BRCA1: variants seen among roughly 807,000 people sequenced by gnomAD.
The protein encoded by BRCA1 is BRCA1 DNA repair associated.
BRCA1 carries 140 observed loss-of-function variants against 173.7 expected under a neutral mutation model. That is an observed-to-expected ratio of 0.81 (90% CI 0.70 to 0.93). The LOEUF is 0.93. Ranked by LOEUF, BRCA1 falls within the 40% of genes least tolerant of loss-of-function variation. The probability of loss-of-function intolerance (pLI) is 0.00; values close to 1 mark genes in which losing one functional copy is unlikely to be tolerated. For missense variants in BRCA1, 1,983 were observed against 2,172.5 expected (o/e 0.91, Z 1.73); for synonymous variants, 662 against 756.0 (o/e 0.88, Z 2.04).
chr17:43,110,587 CAAAA>C (rs201518255), intron 3 of BRCA1: 1,817 of 267,996 alleles, frequency 6.8e-3, no homozygotes, highest in South Asian at 9.2e-3. Flanking sequence ...GACCCTGTCT[CAAAA>C]AAAAAAAAAA....
chr17:43,097,233 CTT>C lies in BRCA1; in HGVS notation c.593+9_593+10del, dbSNP rs1555594025. 1 of 1,612,996 alleles carries C rather than the reference CTT, an allele frequency of 6.2e-7. No homozygotes were observed. The highest frequency in any genetic ancestry group is 2.2e-5 in the East Asian group (1 of 44,838). Reference sequence around the variant, plus strand: ...TACCAGCTTCATAGACAAAGGTTCTCTTTGACTCACCTGCAATAAGTTGCCTT... The same window carrying C: ...TACCAGCTTCATAGACAAAGGTTCTCTGACTCACCTGCAATAAGTTGCCTT... On this transcript the variant is annotated intron_variant, in intron 8 of 22. Coordinates refer to ENST00000357654, the MANE Select transcript of BRCA1 (RefSeq NM_007294.4).
chr17:43,116,482 C>T (rs564566924), intron 2 of BRCA1, among the ~76,000 whole-genome samples: 83 of 152,300 alleles, frequency 5.4e-4, no homozygotes, highest in African/African-American at 1.9e-3. Flanking sequence ...CCTCCCAGCA[C>T]GGGGTTTACA....
At chr17:43,157,950 G>A (rs1477304459) in intron 1 of BRCA1, among the ~76,000 whole-genome samples, 1 of 149,748 alleles carries the variant, frequency 6.7e-6, no homozygotes, top group Non-Finnish European at 1.5e-5. Context: ...GAGCCGAGAT[G>A]TGCCATTGCA....
intron 9 of BRCA1, among the ~76,000 whole-genome samples, chr17:43,095,535 T>C (rs1037890177): frequency 6.6e-5 from 10 of 151,728 alleles, no homozygotes; most frequent in African/African-American, 1.9e-4. Context: ...TGAGCCAAGA[T>C]TGCATCACTG....
rs758329415 is a variant in BRCA1 at position 43,091,886 on chromosome 17, G to C, written c.3645C>G (p.Asn1215Lys). Reference protein sequence around the residue: ...GAKKLESSEENLSSEDEELPC... With the variant: ...GAKKLESSEEKLSSEDEELPC... Reference sequence around the variant, plus strand: ...GAAGCTCTTCATCCTCACTAGATAAGTTCTCTTCTGAGGACTCTAATTTCT... The same window carrying C: ...GAAGCTCTTCATCCTCACTAGATAACTTCTCTTCTGAGGACTCTAATTTCT... The change falls in exon 10 of 23, where the codon AAC becomes AAG. Residue 1215 changes from asparagine (N) to lysine (K), a missense_variant. Coordinates refer to ENST00000357654, the MANE Select transcript of BRCA1 (RefSeq NM_007294.4). The C allele has an allele frequency of 6.2e-7, 1 of 1,614,094 alleles. No homozygotes were observed. The highest frequency in any genetic ancestry group is 1.7e-5 in the Admixed American group (1 of 60,008).
At chr17:43,138,589 C>A (rs1301210891) in intron 1 of BRCA1, 1 of 728,502 alleles carries the variant, frequency 1.4e-6, no homozygotes, top group Non-Finnish European at 2.6e-6. Flanking sequence ...CCCCACCATG[C>A]CTGGATGTGG....
chr17:43,082,140 T>C (rs1030187500), intron 12 of BRCA1, among the ~76,000 whole-genome samples: 3 of 152,380 alleles, frequency 2.0e-5, no homozygotes, highest in Admixed American at 2.0e-4. Flanking sequence ...GAGCAAGAGC[T>C]ATGTTGTATA....
intron 1 of BRCA1, among the ~76,000 whole-genome samples, chr17:43,132,186 C>T (rs2055972736): frequency 6.6e-6 from 1 of 152,190 alleles, no homozygotes; most frequent in Non-Finnish European, 1.5e-5. Context: ...TGAGGTCACA[C>T]ACTCTGGGCT....
rs80357572 is a variant in BRCA1 at position 43,090,962 on chromosome 17, ACT to A, written c.4165_4166del (p.Ser1389Ter). 4.3e-6 allele frequency: 7 copies of A among 1,611,576 alleles called. No individual in the cohort carries two copies. The highest frequency in any genetic ancestry group is 3.3e-5 in the South Asian group (3 of 90,510). On this transcript the variant is annotated frameshift_variant, in exon 11 of 23. Transcript: ENST00000357654. LOFTEE classifies it high-confidence loss of function. ...SEDCSGLSSQ[S>X]DILTTQQRDT... Reference sequence around the variant, plus strand: ...TTTTTACCTGAGTGGTTAAAATGTCACTCTGAGAGGATAGCCCTGAGCAGTCT... The same window carrying A: ...TTTTTACCTGAGTGGTTAAAATGTCACTGAGAGGATAGCCCTGAGCAGTCT...
intron 2 of BRCA1, among the ~76,000 whole-genome samples, chr17:43,118,490 C>T (rs996277363): frequency 6.6e-6 from 1 of 151,982 alleles, no homozygotes; most frequent in Admixed American, 6.6e-5. Flanking sequence ...GATTCTCCTG[C>T]CTCAGCCTCC....
Position 43,049,477 on chromosome 17 carries a change from G to C in BRCA1, c.5333-283C>G, listed in dbSNP as rs1555575333. On this transcript the variant is annotated intron_variant, in intron 20 of 22. Transcript: ENST00000357654. ...ATGCTTGAAAGAAAAAAAAATCAAA[G>C]ATCTAATTTCCATTAATTTGCTAAA... Among the ~76,000 whole-genome samples the C allele has an allele frequency of 4.6e-5, 7 of 152,090 alleles. No individual in the cohort carries two copies. In the South Asian group the frequency reaches 1.5e-3, roughly 32 times the overall value.
intron 2 of BRCA1, among the ~76,000 whole-genome samples, chr17:43,122,962 C>T (rs1201165991): frequency 3.3e-5 from 5 of 151,254 alleles, no homozygotes; most frequent in African/African-American, 1.2e-4. Flanking sequence ...GAGGCTCAGG[C>T]AGAAGAATGG....
rs533819030 is a variant in BRCA1, at chr17:43,072,875, G to GT, written c.4675+1455dup. On this transcript the variant is annotated intron_variant, in intron 14 of 22. Coordinates refer to ENST00000357654, the MANE Select transcript of BRCA1 (RefSeq NM_007294.4). ...CACCCACCACGCCTGGCCCCAGCTAGTTTTTTTTTTTTTTTACTTTTTATA... is the reference window on the plus strand; with the variant it reads ...CACCCACCACGCCTGGCCCCAGCTAGTTTTTTTTTTTTTTTTACTTTTTATA... Among the ~76,000 whole-genome samples, 32,708 of 142,726 alleles carry GT rather than the reference G, an allele frequency of 0.23. 4,643 individuals are homozygous for GT. Among genetic ancestry groups the GT allele is most frequent in the Non-Finnish European group, 0.33 (21,361 of 65,306 alleles). The allele number at this position is 142,726 out of a possible 152,430, so 93.6% of individuals were successfully genotyped here.
At chr17:43,121,730 CAG>C (rs2055588561) in intron 2 of BRCA1, among the ~76,000 whole-genome samples, 2 of 101,614 alleles carry the variant, frequency 2.0e-5, no homozygotes, top group Non-Finnish European at 4.4e-5. Context: ...TAACAGGAAA[CAG>C]AAAAAAGCAA....
At chr17:43,073,675 T>A (rs535687779) in intron 14 of BRCA1, among the ~76,000 whole-genome samples, 2 of 152,248 alleles carry the variant, frequency 1.3e-5, no homozygotes, top group South Asian at 4.1e-4. Flanking sequence ...CATTTTCTAA[T>A]AAAGGACTGG....
At chr17:43,149,076 C>T (rs2056142535) in intron 1 of BRCA1, among the ~76,000 whole-genome samples, 1 of 151,992 alleles carries the variant, frequency 6.6e-6, no homozygotes, top group Admixed American at 6.6e-5. Flanking sequence ...ACACATCCCC[C>T]CGCCACCACC....
At chr17:43,059,426 G>A (rs758295315) in intron 18 of BRCA1, among the ~76,000 whole-genome samples, 3 of 151,962 alleles carry the variant, frequency 2.0e-5, no homozygotes, top group African/African-American at 2.4e-5. Context: ...TCGTGCTACC[G>A]CACTCCATGC....
intron 3 of BRCA1, among the ~76,000 whole-genome samples, chr17:43,108,706 C>CAAAA (rs35561635): frequency 1.9e-4 from 3 of 16,082 alleles, no homozygotes; most frequent in East Asian, 2.4e-3. Context: ...GACTCTGTCT[C>CAAAA]AAAAAAAAAA....
At chr17:43,150,734 A>C (rs1003089630) in intron 1 of BRCA1, among the ~76,000 whole-genome samples, 12 of 151,430 alleles carry the variant, frequency 7.9e-5, no homozygotes, top group Non-Finnish European at 1.3e-4. Context: ...AGCTCTAGCT[A>C]AAAAAAAACA....
Sources: gnomAD v4.1 joint callset for allele counts (sites outside exome capture counted in the v4.1 genomes callset) on GRCh38, gnomAD v4.1.1 for gene constraint, MANE v1.5 for transcripts, NCBI Gene and HGNC (gene_info 2026-07-23, HGNC 2026-07-21) for gene names.